KRABD3: variants seen among roughly 807,000 people sequenced by gnomAD.
The protein encoded by KRABD3 is KRAB domain-containing protein 3.
the KRABD3 span, chr7:149,725,172 G>A: frequency 1.2e-6 from 1 of 811,274 alleles, no homozygotes; most frequent in Admixed American, 3.1e-5. Context: ...CCCACAGAAG[G>A]GTTTCCTGCC....
the KRABD3 span, chr7:149,715,140 C>T: frequency 2.4e-6 from 3 of 1,227,746 alleles, no homozygotes; most frequent in African/African-American, 3.1e-5. Context: ...AGAGCTGGGA[C>T]CCCCCCGCAA....
chr7:149,733,161 TC>T, the KRABD3 span: 1 of 1,541,828 alleles, frequency 6.5e-7, no homozygotes. Flanking sequence ...GAGAGAAAGG[TC>T]CTTACAAACC....
At chr7:149,720,677 C>T in the KRABD3 span, among the ~76,000 whole-genome samples, 4 of 152,378 alleles carry the variant, frequency 2.6e-5, no homozygotes, top group South Asian at 2.1e-4. Context: ...CTGGCCTGAG[C>T]CCAGGTCCTC....
the KRABD3 span, chr7:149,719,476 A>G: frequency 1.3e-6 from 2 of 1,485,688 alleles, no homozygotes; most frequent in Non-Finnish European, 1.8e-6. This position sits in a 1 kb window ranked among gnomAD's most constrained non-coding sequence, Gnocchi z 5.6. Context: ...TGGGGTTACC[A>G]AGTGCAGGGA....
the KRABD3 span, among the ~76,000 whole-genome samples, chr7:149,731,124 T>G: frequency 1.3e-5 from 2 of 152,020 alleles, no homozygotes; most frequent in African/African-American, 2.4e-5. Context: ...CCTGGCCCCC[T>G]CAGGAGTGCT....
At chr7:149,725,648 T>C in the KRABD3 span, among the ~76,000 whole-genome samples, 1 of 152,246 alleles carries the variant, frequency 6.6e-6, no homozygotes, top group African/African-American at 2.4e-5. Flanking sequence ...CGCCCGCATG[T>C]GCTGAAAGCC....
the KRABD3 span, among the ~76,000 whole-genome samples, chr7:149,728,283 G>A: frequency 6.6e-6 from 1 of 152,228 alleles, no homozygotes; most frequent in Non-Finnish European, 1.5e-5. Flanking sequence ...CCACACCTGT[G>A]GCCAACGCCC....
At chr7:149,726,437 A>G in the KRABD3 span, among the ~76,000 whole-genome samples, 2 of 139,642 alleles carry the variant, frequency 1.4e-5, no homozygotes, top group Non-Finnish European at 3.1e-5. Flanking sequence ...TCTATACAGA[A>G]TTTTTTTTTT....
At chr7:149,721,877 G>A in the KRABD3 span, 2 of 474,532 alleles carry the variant, frequency 4.2e-6, no homozygotes, top group East Asian at 9.7e-5. Context: ...TCCTTAGACC[G>A]TCTCATCACA....
chr7:149,719,661 T>G, the KRABD3 span: 25 of 1,606,356 alleles, frequency 1.6e-5, no homozygotes, highest in Non-Finnish European at 2.1e-5. The surrounding 1 kb of genome is among the most constrained non-coding windows in gnomAD (Gnocchi z 5.6). Flanking sequence ...TACGAGACGC[T>G]GGTCTCTGTG....
At chr7:149,719,523 C>A in the KRABD3 span, 1 of 1,538,978 alleles carries the variant, frequency 6.5e-7, no homozygotes, top group South Asian at 1.2e-5. This position sits in a 1 kb window ranked among gnomAD's most constrained non-coding sequence, Gnocchi z 5.6. Flanking sequence ...AACAACCAAC[C>A]CCCCCGGAGA....
the KRABD3 span, chr7:149,722,888 C>G: frequency 4.3e-6 from 7 of 1,613,654 alleles, no homozygotes; most frequent in Admixed American, 1.2e-4. Context: ...TTCTTGCCAC[C>G]TCTCCCTAGC....
the KRABD3 span, among the ~76,000 whole-genome samples, chr7:149,718,561 C>CA: frequency 8.2e-5 from 12 of 146,018 alleles, no homozygotes; most frequent in African/African-American, 3.0e-4. Context: ...CCATATTGCC[C>CA]AGACTGGAGT....
At chr7:149,724,000 T>C in the KRABD3 span, 1 of 1,218,208 alleles carries the variant, frequency 8.2e-7, no homozygotes, top group Non-Finnish European at 1.2e-6. Flanking sequence ...CATATTGGCC[T>C]GTCGGGAAGA....
the KRABD3 span, among the ~76,000 whole-genome samples, chr7:149,733,029 G>A: frequency 6.6e-6 from 1 of 152,208 alleles, no homozygotes; most frequent in African/African-American, 2.4e-5. Flanking sequence ...GACATAGCCA[G>A]TTTTCATGCC....
the KRABD3 span, among the ~76,000 whole-genome samples, chr7:149,716,119 C>T: frequency 6.6e-6 from 1 of 152,184 alleles, no homozygotes; most frequent in African/African-American, 2.4e-5. Context: ...GTGAGCACAG[C>T]CTCCAGGTTG....
the KRABD3 span, chr7:149,723,819 T>TC: frequency 6.2e-7 from 1 of 1,613,912 alleles, no homozygotes; most frequent in Non-Finnish European, 8.5e-7. Context: ...AGGACAGGCA[T>TC]CCCAGTCCCT....
chr7:149,728,304 C>T, the KRABD3 span, among the ~76,000 whole-genome samples: 22 of 152,314 alleles, frequency 1.4e-4, no homozygotes, highest in East Asian at 1.9e-3. Context: ...TCATGACAGC[C>T]GCAGGCCAGG....
At chr7:149,724,354 G>A in the KRABD3 span, among the ~76,000 whole-genome samples, 8 of 152,188 alleles carry the variant, frequency 5.3e-5, no homozygotes, top group African/African-American at 1.9e-4. Flanking sequence ...AAAGCCCTGA[G>A]CAGCTGGGTT....
Sources: allele counts gnomAD v4.1 joint callset (sites outside exome capture counted in the v4.1 genomes callset), GRCh38; gene constraint gnomAD v4.1.1; non-coding constraint Gnocchi (gnomAD v3.1); transcripts MANE v1.5; gene names NCBI Gene and HGNC (gene_info 2026-07-23, HGNC 2026-07-21).